The following CNTNAP4 variants were observed in gnomAD, a reference collection of about 807,000 sequenced individuals.
CNTNAP4 encodes contactin associated protein family member 4.
A neutral mutation model predicts 148.4 loss-of-function variants in CNTNAP4; 98 were observed. That is an observed-to-expected ratio of 0.66 (90% CI 0.56 to 0.78). The LOEUF (loss-of-function observed/expected upper bound fraction) is 0.78, where lower values mean the gene tolerates loss of function less well. Ranked by LOEUF, CNTNAP4 falls within the 30% of genes least tolerant of loss-of-function variation. CNTNAP4 has a pLI of 0.00. For synonymous variants in CNTNAP4, 730 were observed against 565.1 expected, an observed-to-expected ratio of 1.29 and a Z score of -4.14; for missense variants, 1,935 against 1,565.6, an observed-to-expected ratio of 1.24 and a Z score of -3.98.
intron 2 of CNTNAP4, among the ~76,000 whole-genome samples, chr16:76,343,552 C>T (rs181162489): frequency 6.6e-6 from 1 of 152,150 alleles, no homozygotes; most frequent in East Asian, 1.9e-4. Context: ...AGTTTTAAAT[C>T]TCGGGTTAGG....
At chr16:76,518,658 A>G in intron 15 of CNTNAP4, among the ~76,000 whole-genome samples, 1 of 152,216 alleles carries the variant, frequency 6.6e-6, no homozygotes, top group Middle Eastern at 3.4e-3. Context: ...GGGACTTAGG[A>G]TATCCATCAC....
intron 17 of CNTNAP4, among the ~76,000 whole-genome samples, chr16:76,532,741 A>G (rs2084040352): frequency 6.6e-6 from 1 of 152,164 alleles, no homozygotes; most frequent in Non-Finnish European, 1.5e-5. Context: ...GACCTTACCC[A>G]GGGAAGAAAT....
At chr16:76,462,232 C>A in intron 9 of CNTNAP4, 127 bp downstream of exon 9, 2 of 908,140 alleles carry the variant, frequency 2.2e-6, no homozygotes, top group Non-Finnish European at 3.2e-6. Context: ...TGTCTTTGAT[C>A]ACGGACATTT....
At chr16:76,335,416 C>T (rs1029915201) in intron 2 of CNTNAP4, among the ~76,000 whole-genome samples, 1 of 152,032 alleles carries the variant, frequency 6.6e-6, no homozygotes, top group African/African-American at 2.4e-5. Flanking sequence ...TCATTGTTCC[C>T]TTAAGGCTTA....
At chr16:76,522,405 C>A in intron 17 of CNTNAP4, 148 bp downstream of exon 17, 1 of 718,460 alleles carries the variant, frequency 1.4e-6, no homozygotes, top group Non-Finnish European at 2.3e-6. Flanking sequence ...TGTCCAAATG[C>A]TTCATTTCTT....
At chr16:76,344,836 C>T (rs531962343) in intron 2 of CNTNAP4, among the ~76,000 whole-genome samples, 1 of 152,248 alleles carries the variant, frequency 6.6e-6, no homozygotes, top group South Asian at 2.1e-4. Context: ...TTCTGATTTC[C>T]TAACCTTCTA....
chr16:76,294,800 A>G (rs1959195213), intron 1 of CNTNAP4, among the ~76,000 whole-genome samples: 1 of 152,206 alleles, frequency 6.6e-6, no homozygotes, highest in African/African-American at 2.4e-5. Context: ...CTGTCATTAC[A>G]CATGTCTTCA....
At chr16:76,434,845 G>A (rs7206520) in intron 4 of CNTNAP4, among the ~76,000 whole-genome samples, 52,018 of 151,916 alleles carry the variant, frequency 0.34, 10,835 homozygotes, top group Non-Finnish European at 0.44. Flanking sequence ...ATGAGTCTGG[G>A]GACGCACTGG....
At chr16:76,292,289 G>C (rs535145734) in intron 1 of CNTNAP4, among the ~76,000 whole-genome samples, 1 of 152,100 alleles carries the variant, frequency 6.6e-6, no homozygotes, top group Non-Finnish European at 1.5e-5. Flanking sequence ...AGAATTTATG[G>C]CACTTAAAGA....
intron 2 of CNTNAP4, among the ~76,000 whole-genome samples, chr16:76,327,902 C>T (rs143688342): frequency 4.5e-4 from 64 of 142,884 alleles, no homozygotes; most frequent in African/African-American, 1.6e-3. Context: ...AACACATTTC[C>T]TTTGGCCTTC....
chr16:76,326,132 A>C (rs1278467137), intron 2 of CNTNAP4, among the ~76,000 whole-genome samples: 12 of 152,218 alleles, frequency 7.9e-5, no homozygotes, highest in Non-Finnish European at 1.8e-4. Flanking sequence ...CAAGGAGGCC[A>C]GCATAACCTT....
chr16:76,330,235 C>A (rs1234463736), intron 2 of CNTNAP4, among the ~76,000 whole-genome samples: 1 of 152,102 alleles, frequency 6.6e-6, no homozygotes, highest in Non-Finnish European at 1.5e-5. Context: ...CCTTTTATTT[C>A]TCCCTTGATC....
chr16:76,351,140 G>T (rs2011682015), intron 2 of CNTNAP4, among the ~76,000 whole-genome samples: 1 of 152,082 alleles, frequency 6.6e-6, no homozygotes, highest in South Asian at 2.1e-4. Context: ...TTAACTAGCA[G>T]TTAAAAGGTT....
chr16:76,448,894 A>C lies in CNTNAP4; in HGVS notation c.870A>C (p.Glu290Asp). Residue 290 changes from glutamate to aspartate, a missense_variant, in exon 6 of 24, where the codon GAA becomes GAC. Transcript: ENST00000611870. Reference sequence around the variant, plus strand: ...AACAAGTCAACTTCACAGTGGACGAACACAGGCATCATTTCCATGCACGGG... The same window carrying C: ...AACAAGTCAACTTCACAGTGGACGACCACAGGCATCATTTCCATGCACGGG... Reference protein sequence around the residue: ...LGKQVNFTVDEHRHHFHARGE... With the variant: ...LGKQVNFTVDDHRHHFHARGE... The C allele has an allele frequency of 6.2e-7, 1 of 1,613,856 alleles. No homozygotes were observed. The highest frequency in any genetic ancestry group is 8.5e-7 in the Non-Finnish European group (1 of 1,179,856).
At chr16:76,455,120 A>G (rs367565780) in intron 8 of CNTNAP4, among the ~76,000 whole-genome samples, 1 of 152,332 alleles carries the variant, frequency 6.6e-6, no homozygotes, top group East Asian at 1.9e-4. Flanking sequence ...ATCATGAAAC[A>G]TATTAGCATC....
chr16:76,502,983 C>A (rs746997055), intron 15 of CNTNAP4, among the ~76,000 whole-genome samples: 31 of 151,914 alleles, frequency 2.0e-4, no homozygotes, highest in Non-Finnish European at 4.6e-4. Flanking sequence ...ATGAGGTTAC[C>A]CCAATTTATT....
intron 1 of CNTNAP4, among the ~76,000 whole-genome samples, chr16:76,287,478 A>G (rs936419239): frequency 6.6e-6 from 1 of 152,198 alleles, no homozygotes; most frequent in African/African-American, 2.4e-5. Context: ...ATATTTATGT[A>G]TAATTGCAAC....
chr16:76,474,799 T>C (rs148439097), intron 10 of CNTNAP4, among the ~76,000 whole-genome samples: 2 of 152,262 alleles, frequency 1.3e-5, no homozygotes, highest in East Asian at 1.9e-4. Flanking sequence ...CAAAAGACTT[T>C]CGTAACACTA....
At chr16:76,462,222 T>C (rs941520293) in intron 9 of CNTNAP4, 117 bp downstream of exon 9, 1 of 952,674 alleles carries the variant, frequency 1.0e-6, no homozygotes, top group African/African-American at 1.6e-5. Flanking sequence ...AATTTTTCAC[T>C]GTCTTTGATC....
Sources: allele counts gnomAD v4.1 joint callset (sites outside exome capture counted in the v4.1 genomes callset), GRCh38; gene constraint gnomAD v4.1.1; transcripts MANE v1.5; gene names NCBI Gene and HGNC (gene_info 2026-07-23, HGNC 2026-07-21).